Variants in SNX3 observed in about 807,000 individuals in gnomAD.
SNX3 encodes the protein sorting nexin 3, also known as sorting nexin-3.
In SNX3, 5 loss-of-function variants were observed where a neutral mutation model predicts 17.7. That is an observed-to-expected ratio of 0.28 (90% CI 0.15 to 0.59). The LOEUF (loss-of-function observed/expected upper bound fraction) is 0.59. Ranked by LOEUF, SNX3 falls within the 20% of genes least tolerant of loss-of-function variation. SNX3 has a pLI of 0.88. For synonymous variants in SNX3, 91 were observed against 76.5 expected, an observed-to-expected ratio of 1.19 and a Z score of -0.99; for missense variants, 132 against 206.8, an observed-to-expected ratio of 0.64 and a Z score of 2.22.
At chr6:108,213,711 A>C (rs1381659128) in intron 3 of SNX3, among the ~76,000 whole-genome samples, 1 of 152,170 alleles carries the variant, frequency 6.6e-6, no homozygotes, top group Non-Finnish European at 1.5e-5. Context: ...ACAGATTCAC[A>C]GACAATGAAT....
intron 1 of SNX3, among the ~76,000 whole-genome samples, chr6:108,259,760 C>T (rs377583941): frequency 3.3e-5 from 5 of 152,142 alleles, no homozygotes; most frequent in African/African-American, 4.8e-5. Flanking sequence ...TTTCACGACA[C>T]AAAGTGTGTA....
intron 1 of SNX3, among the ~76,000 whole-genome samples, chr6:108,243,058 G>A (rs1047760481): frequency 1.3e-5 from 2 of 152,110 alleles, no homozygotes; most frequent in African/African-American, 2.4e-5. Context: ...ATTTGGTGGT[G>A]TTTTTAAAAT....
At chr6:108,217,632 TG>T (rs1224830197) in intron 2 of SNX3, among the ~76,000 whole-genome samples, 79 of 151,976 alleles carry the variant, frequency 5.2e-4, no homozygotes, top group African/African-American at 1.7e-3. Flanking sequence ...GGTGCATGCT[TG>T]TAACCCCTTT....
intron 1 of SNX3, among the ~76,000 whole-genome samples, chr6:108,255,642 T>G (rs2114771867): frequency 6.6e-6 from 1 of 152,306 alleles, no homozygotes; most frequent in African/African-American, 2.4e-5. Flanking sequence ...GGAGCCACCG[T>G]GCCCGACCCC....
In SNX3 at chr6:108,212,634, G is replaced by A. The variant is rs77168499; in HGVS notation, c.384-380C>T. ...ATTACAGGCGTGAGCCACTGCGCCCGGCTCAGAATCATGTACAGTTTACCA... is the reference window on the plus strand; with the variant it reads ...ATTACAGGCGTGAGCCACTGCGCCCAGCTCAGAATCATGTACAGTTTACCA... On this transcript the variant is annotated intron_variant, in intron 3 of 3. Coordinates refer to ENST00000230085, the MANE Select transcript of SNX3 (RefSeq NM_003795.6). Among the ~76,000 whole-genome samples the A allele has an allele frequency of 8.3e-3, 1,256 of 152,198 alleles. 16 individuals are homozygous for A. The highest frequency in any genetic ancestry group is 0.029 in the African/African-American group (1,206 of 41,514).
chr6:108,216,434 T>C (rs1453067057), intron 2 of SNX3, among the ~76,000 whole-genome samples: 3 of 152,302 alleles, frequency 2.0e-5, no homozygotes, highest in Middle Eastern at 3.4e-3. Flanking sequence ...AAACCATCAA[T>C]CTATCATACT....
intron 1 of SNX3, among the ~76,000 whole-genome samples, chr6:108,251,327 C>G (rs1462285133): frequency 6.6e-6 from 1 of 152,136 alleles, no homozygotes; most frequent in South Asian, 2.1e-4. Flanking sequence ...AACAGATGAT[C>G]ACAGTGTAGC....
intron 1 of SNX3, among the ~76,000 whole-genome samples, chr6:108,231,126 GAC>G (rs1775137297): frequency 1.3e-5 from 2 of 150,164 alleles, no homozygotes; most frequent in African/African-American, 4.9e-5. Context: ...TTTTTTTTGA[GAC>G]ACAGTCTCCC....
intron 1 of SNX3, among the ~76,000 whole-genome samples, chr6:108,247,264 C>T (rs1340175771): frequency 1.3e-5 from 2 of 152,018 alleles, no homozygotes; most frequent in African/African-American, 4.8e-5. Context: ...TTACAAATTA[C>T]CCAGTCTCGG....
intron 1 of SNX3, among the ~76,000 whole-genome samples, chr6:108,237,404 T>A (rs761073160): frequency 3.3e-5 from 5 of 152,188 alleles, no homozygotes; most frequent in Non-Finnish European, 2.9e-5. Context: ...AACCATGATA[T>A]CTATAAATAT....
At chr6:108,222,261 A>T (rs1274635330) in intron 2 of SNX3, 2 of 1,304,250 alleles carry the variant, frequency 1.5e-6, no homozygotes, top group Admixed American at 4.6e-5. Flanking sequence ...ACTTTTCATC[A>T]TTCTGAGCAC....
intron 1 of SNX3, among the ~76,000 whole-genome samples, chr6:108,249,774 T>C (rs1775793925): frequency 2.0e-5 from 3 of 152,192 alleles, no homozygotes; most frequent in Non-Finnish European, 4.4e-5. Context: ...TGGTATCTAA[T>C]ATTTCATTCA....
chr6:108,251,142 T>C (rs1775844653), intron 1 of SNX3, among the ~76,000 whole-genome samples: 1 of 152,156 alleles, frequency 6.6e-6, no homozygotes, highest in Non-Finnish European at 1.5e-5. Flanking sequence ...CCCTATCAGA[T>C]ATGCCATGTC....
At chr6:108,236,256 G>T (rs1775325785) in intron 1 of SNX3, among the ~76,000 whole-genome samples, 1 of 151,646 alleles carries the variant, frequency 6.6e-6, no homozygotes, top group Non-Finnish European at 1.5e-5. Flanking sequence ...GGCTGAAGCA[G>T]GATGATTGCT....
intron 1 of SNX3, among the ~76,000 whole-genome samples, chr6:108,248,471 C>T (rs997215270): frequency 6.6e-6 from 1 of 152,112 alleles, no homozygotes; most frequent in Non-Finnish European, 1.5e-5. Flanking sequence ...CTCAATAAAT[C>T]AACTGACCCA....
At chr6:108,253,413 T>TA (rs1162177339) in intron 1 of SNX3, among the ~76,000 whole-genome samples, 15 of 150,256 alleles carry the variant, frequency 1.0e-4, no homozygotes, top group Non-Finnish European at 1.5e-4. Context: ...TTTTTTTTTT[T>TA]ACTTCTGGCT....
intron 1 of SNX3, among the ~76,000 whole-genome samples, chr6:108,227,795 T>C (rs1198005015): frequency 6.6e-6 from 1 of 151,862 alleles, no homozygotes; most frequent in Non-Finnish European, 1.5e-5. Flanking sequence ...CTGATTAAAA[T>C]AACTAAGTGC....
At position 108,223,497 on chromosome 6, in the gene SNX3, CTTTTTTTTTTT is replaced by C. The variant is rs59920022; in HGVS notation, c.163-463_163-453del. Among the ~76,000 whole-genome samples, 266 of 110,364 alleles carry C rather than the reference CTTTTTTTTTTT, an allele frequency of 2.4e-3. 4 individuals carry two copies. The highest frequency in any genetic ancestry group is 9.9e-3 in the African/African-American group (235 of 23,780). 72.4% of individuals were successfully genotyped at this position (110,364 alleles called of 152,430 possible). A position where few individuals can be genotyped will look rare whatever the true frequency, so the allele number is the denominator to read the frequency against. ...ATAACAAAATAAAACTTTGCTAGTT[CTTTTTTTTTTT>C]TTTTTTTTTTTTTTTTTGAGACAGA... is the stretch of plus-strand genomic sequence containing the variant. On this transcript the variant is annotated intron_variant, in intron 1 of 3. Coordinates refer to ENST00000230085, the MANE Select transcript of SNX3 (RefSeq NM_003795.6).
chr6:108,220,321 T>G (rs1774720001), intron 2 of SNX3, among the ~76,000 whole-genome samples: 2 of 152,082 alleles, frequency 1.3e-5, no homozygotes, highest in African/African-American at 4.8e-5. Flanking sequence ...CCATTTATGG[T>G]AAGTGCCCTA....
Sources: gnomAD v4.1 joint callset for allele counts (sites outside exome capture counted in the v4.1 genomes callset) on GRCh38, gnomAD v4.1.1 for gene constraint, MANE v1.5 for transcripts, NCBI Gene and HGNC (gene_info 2026-07-23, HGNC 2026-07-21) for gene names.